PPARGC1B: variants seen among roughly 807,000 people sequenced by gnomAD.
The protein encoded by PPARGC1B is peroxisome proliferator-activated receptor gamma coactivator 1-beta.
Under a neutral mutation model 101.6 loss-of-function variants are expected in PPARGC1B, and 34 were observed. The ratio of observed to expected loss-of-function variants is 0.33; its 90% confidence interval spans 0.25 to 0.45. The LOEUF is 0.45. Among genes scored for constraint, PPARGC1B ranks in the 20% least tolerant of loss-of-function variants. PPARGC1B has a pLI of 1.00. For synonymous variants in PPARGC1B, 548 were observed against 539.3 expected (o/e 1.02, Z -0.22); for missense variants, 1,234 against 1,317.6 (o/e 0.94, Z 0.98).
At chr5:149,798,223 C>G (rs769258970) in intron 1 of PPARGC1B, among the ~76,000 whole-genome samples, 22 of 152,182 alleles carry the variant, frequency 1.4e-4, no homozygotes, top group Non-Finnish European at 3.1e-4. Flanking sequence ...CAAAGTAGCC[C>G]CATCAGCTAA....
At chr5:149,855,793 G>T (rs1335387112), downstream of PPARGC1B, among the ~76,000 whole-genome samples, 1 of 152,150 alleles carries the variant, frequency 6.6e-6, no homozygotes, top group Admixed American at 6.6e-5. Flanking sequence ...AGCCCCAAAG[G>T]GTTGAAACAC....
In PPARGC1B at chr5:149,835,302, G is replaced by C. The variant is rs541018172; in HGVS notation, c.1744G>C (p.Asp582His). The C allele has an allele frequency of 1.9e-6, 3 of 1,614,064 alleles. No homozygotes were observed. The highest frequency in any genetic ancestry group is 2.5e-6 in the Non-Finnish European group (3 of 1,179,998). Residue 582 changes from aspartate to histidine, a missense_variant and splice_region_variant, in exon 7 of 12, where the codon GAC becomes CAC. This residue lies in a region of PPARGC1B where 734 missense variants were observed against 768.4 expected (regional missense o/e 0.96). Transcript: ENST00000309241. ...TTCTGTCCTCCCTGCCTCCACCAGC[G>C]ACCCAACTTTTGGCAAGAAGAGCTT... The part of the protein sequence containing the change: ...RCLMLALSQS[D>H]PTFGKKSFEQ...
At chr5:149,822,124 G>A (rs1758326131) in intron 2 of PPARGC1B, among the ~76,000 whole-genome samples, 3 of 152,214 alleles carry the variant, frequency 2.0e-5, no homozygotes, top group Admixed American at 2.0e-4. Flanking sequence ...TTGCTATATT[G>A]TTCCTTTCCT....
chr5:149,833,872 C>G lies in PPARGC1B; in HGVS notation c.1705+94C>G. 1.4e-6 allele frequency: 2 copies of G among 1,412,640 alleles called. No homozygotes were observed. Among genetic ancestry groups the G allele is most frequent in the Non-Finnish European group, 1.8e-6 (2 of 1,088,050 alleles). The allele number at this position is 1,412,640 out of a possible 1,614,324, so 87.5% of individuals were successfully genotyped here. On this transcript the variant is annotated intron_variant, in intron 5 of 11. Transcript: ENST00000309241. The surrounding 1 kb of genome is among the most constrained non-coding windows in gnomAD (Gnocchi z 4.1). ...GCCAGGAGCCCTGTGTTCAAGTCCC[C>G]GTCCCCCAACAAAGTGTTATATGGG... is the stretch of plus-strand genomic sequence containing the variant.
rs1199839991 is a variant in PPARGC1B, at chr5:149,755,052, CAT to C, written c.78+24652_78+24653del. ...TACACTACATATACATATACATATACATATATATATATATATATATAATTTTT... is the reference window on the plus strand; with the variant it reads ...TACACTACATATACATATACATATACATATATATATATATATATAATTTTT... On this transcript the variant is annotated intron_variant, in intron 1 of 11. Transcript: ENST00000309241. 8.1e-3 allele frequency among the ~76,000 whole-genome samples: 881 copies of C among 108,920 alleles called. 25 individuals carry two copies. Among genetic ancestry groups the C allele is most frequent in the African/African-American group, 0.03 (787 of 26,590 alleles). The allele number at this position is 108,920 out of a possible 152,430, so 71.5% of individuals were successfully genotyped here. A position where few individuals can be genotyped will look rare whatever the true frequency, so the allele number is the denominator to read the frequency against.
chr5:149,842,812 A>G (rs1759403922), intron 10 of PPARGC1B, among the ~76,000 whole-genome samples: 1 of 151,938 alleles, frequency 6.6e-6, no homozygotes, highest in Non-Finnish European at 1.5e-5. Flanking sequence ...TTGCACTGGG[A>G]CTCCACTCTA....
intron 1 of PPARGC1B, among the ~76,000 whole-genome samples, chr5:149,748,534 CT>C (rs1157349551): frequency 1.3e-5 from 2 of 152,180 alleles, no homozygotes; most frequent in Non-Finnish European, 2.9e-5. Context: ...GCAAGCCTTG[CT>C]CCCTGCCCTG....
At chr5:149,857,911 A>G (rs1175160725), downstream of PPARGC1B, 1 of 152,244 alleles carries the variant, frequency 6.6e-6, no homozygotes, top group African/African-American at 2.4e-5. Context: ...CTGTTTTAAT[A>G]TATTAGTTTC....
intron 1 of PPARGC1B, among the ~76,000 whole-genome samples, chr5:149,743,729 G>A (rs1754990199): frequency 6.6e-6 from 1 of 152,132 alleles, no homozygotes; most frequent in African/African-American, 2.4e-5. Context: ...GTCCCCACAA[G>A]GAGTCACCTG....
intron 1 of PPARGC1B, among the ~76,000 whole-genome samples, chr5:149,760,470 G>A (rs1006200371): frequency 6.6e-6 from 1 of 152,206 alleles, no homozygotes. Context: ...CTTGTTTAAA[G>A]AGGATACTAT....
chr5:149,806,876 G>A (rs965432979), intron 1 of PPARGC1B, among the ~76,000 whole-genome samples: 1 of 152,042 alleles, frequency 6.6e-6, no homozygotes, highest in Non-Finnish European at 1.5e-5. Flanking sequence ...TAAAGTGCTG[G>A]AATTATAGGC....
downstream of PPARGC1B, among the ~76,000 whole-genome samples, chr5:149,855,920 T>C (rs145659378): frequency 0.049 from 7,395 of 152,066 alleles, 603 homozygotes; most frequent in African/African-American, 0.17. Flanking sequence ...AGTTCGAGAC[T>C]AGCCTGGCCA....
At chr5:149,842,824 C>G (rs1759404718) in intron 10 of PPARGC1B, among the ~76,000 whole-genome samples, 1 of 152,224 alleles carries the variant, frequency 6.6e-6, no homozygotes, top group African/African-American at 2.4e-5. Flanking sequence ...TCCACTCTAC[C>G]TCAGCCCTGT....
chr5:149,759,791 C>T (rs781200179), intron 1 of PPARGC1B, among the ~76,000 whole-genome samples: 1 of 152,196 alleles, frequency 6.6e-6, no homozygotes, highest in Non-Finnish European at 1.5e-5. Context: ...GGTGAATGGC[C>T]TGGCTGCCAA....
At chr5:149,755,021 C>T (rs1419377176) in intron 1 of PPARGC1B, among the ~76,000 whole-genome samples, 1 of 140,600 alleles carries the variant, frequency 7.1e-6, no homozygotes, top group African/African-American at 2.8e-5. Flanking sequence ...TATATACCCA[C>T]ACATATACAC....
At chr5:149,749,756 G>A (rs75877995) in intron 1 of PPARGC1B, among the ~76,000 whole-genome samples, 1 of 152,144 alleles carries the variant, frequency 6.6e-6, no homozygotes, top group Non-Finnish European at 1.5e-5. Flanking sequence ...CCTTGGACAG[G>A]TCTCGCCCCC....
intron 1 of PPARGC1B, among the ~76,000 whole-genome samples, chr5:149,746,413 A>G (rs1755091587): frequency 6.6e-6 from 1 of 152,206 alleles, no homozygotes; most frequent in South Asian, 2.1e-4. Context: ...GCTCATCTCT[A>G]TTGGGGCAAA....
At chr5:149,815,190 C>T (rs1051145060) in intron 1 of PPARGC1B, among the ~76,000 whole-genome samples, 1 of 152,096 alleles carries the variant, frequency 6.6e-6, no homozygotes, top group Non-Finnish European at 1.5e-5. Flanking sequence ...TGTATCCTCT[C>T]AAAAAAGGTG....
At chr5:149,834,531 T>G (rs950890669) in intron 5 of PPARGC1B, 143 bp from the exon 6 acceptor site, 5 of 662,006 alleles carry the variant, frequency 7.6e-6, no homozygotes, top group Non-Finnish European at 1.3e-5. Flanking sequence ...TGCCCTTCTC[T>G]AAAAGTGGCA....
Sources: gnomAD v4.1 joint callset for allele counts (sites outside exome capture counted in the v4.1 genomes callset) on GRCh38, gnomAD v4.1.1 for gene constraint, gnomAD v4.1.1 regional missense constraint, Gnocchi (gnomAD v3.1) non-coding constraint, MANE v1.5 for transcripts, NCBI Gene and HGNC (gene_info 2026-07-23, HGNC 2026-07-21) for gene names.